The following WWOX variants were observed in gnomAD, a reference collection of about 807,000 sequenced individuals.
The protein encoded by WWOX is WW domain containing oxidoreductase, also known as WW domain-containing oxidoreductase.
Under a neutral mutation model 46.2 loss-of-function variants are expected in WWOX, and 69 were observed. The observed-to-expected ratio is 1.49, with a 90% CI of 1.23 to 1.82. WWOX has a LOEUF of 1.82. Among genes scored for constraint, WWOX ranks in the 40% most tolerant of loss-of-function variants. WWOX has a pLI of 0.00. For synonymous variants in WWOX, 359 were observed against 202.6 expected (o/e 1.77, Z -6.56); for missense variants, 919 against 542.6 (o/e 1.69, Z -6.89).
intron 5 of WWOX, among the ~76,000 whole-genome samples, chr16:78,251,940 C>G (rs2037996210): frequency 6.6e-6 from 1 of 152,214 alleles, no homozygotes; most frequent in Non-Finnish European, 1.5e-5. Flanking sequence ...GTCAATACAT[C>G]TTTGTTGGAG....
At chr16:78,142,501 T>C (rs559058003) in intron 4 of WWOX, among the ~76,000 whole-genome samples, 6 of 152,350 alleles carry the variant, frequency 3.9e-5, no homozygotes, top group Non-Finnish European at 7.3e-5. Flanking sequence ...CTCACAGTTA[T>C]ATTTGTGGTA....
At chr16:78,758,708 C>G (rs1173985539) in intron 8 of WWOX, among the ~76,000 whole-genome samples, 4 of 152,046 alleles carry the variant, frequency 2.6e-5, no homozygotes, top group Admixed American at 6.6e-5. Context: ...ATTGATTGAC[C>G]TCTCTGAGCC....
At chr16:78,182,149 C>T (rs539564374) in intron 5 of WWOX, among the ~76,000 whole-genome samples, 8 of 152,300 alleles carry the variant, frequency 5.3e-5, no homozygotes, top group Admixed American at 1.3e-4. Context: ...GTTCTTATTG[C>T]CTCAGTTTCC....
At chr16:79,174,553 CA>C (rs2050763405) in intron 8 of WWOX, among the ~76,000 whole-genome samples, 1 of 152,174 alleles carries the variant, frequency 6.6e-6, no homozygotes, top group Admixed American at 6.5e-5. Context: ...GGGCCTGAGG[CA>C]GGAAAATCAC....
At chr16:78,567,349 T>G (rs1165271823) in intron 8 of WWOX, among the ~76,000 whole-genome samples, 2 of 150,404 alleles carry the variant, frequency 1.3e-5, no homozygotes, top group Non-Finnish European at 3.0e-5. Flanking sequence ...ATCGAGACCA[T>G]CCTGGTTAAC....
In WWOX at chr16:78,638,418, C is replaced by T. The variant is rs1256045551; in HGVS notation, c.1056+205666C>T. Among the ~76,000 whole-genome samples the T allele has an allele frequency of 2.6e-5, 4 of 152,288 alleles. No individual in the cohort carries two copies. In the East Asian group the frequency reaches 5.8e-4, roughly 22 times the overall value. ...CTGCCTTTCCAACCGCTACCACCTT[C>T]CACCACCATTTTTTTTTTGTTTCCT... On this transcript the variant is annotated intron_variant, in intron 8 of 8. Coordinates refer to ENST00000566780, the MANE Select transcript of WWOX (RefSeq NM_016373.4).
chr16:78,244,374 G>A (rs1048499995), intron 5 of WWOX, among the ~76,000 whole-genome samples: 1 of 107,700 alleles, frequency 9.3e-6, no homozygotes, highest in African/African-American at 4.6e-5. Flanking sequence ...AAACCTCCTT[G>A]CAATCTGTAT....
At chr16:79,151,254 T>G (rs1267114860) in intron 8 of WWOX, among the ~76,000 whole-genome samples, 2 of 152,192 alleles carry the variant, frequency 1.3e-5, no homozygotes, top group African/African-American at 4.8e-5. Context: ...CTACGGTGGT[T>G]GACTTTTCAC....
intron 8 of WWOX, among the ~76,000 whole-genome samples, chr16:78,587,815 A>C (rs1272786457): frequency 1.3e-5 from 2 of 152,092 alleles, no homozygotes; most frequent in Non-Finnish European, 2.9e-5. Flanking sequence ...TTTCCTGGTA[A>C]TTGTGCAAAA....
At chr16:79,156,381 G>T (rs77882212) in intron 8 of WWOX, among the ~76,000 whole-genome samples, 15,820 of 152,136 alleles carry the variant, frequency 0.1, 1,663 homozygotes, top group African/African-American at 0.27. Flanking sequence ...AGCTATTCTC[G>T]AACTCCTGAC....
chr16:78,559,584 T>A (rs2044385506), intron 8 of WWOX, among the ~76,000 whole-genome samples: 2 of 152,254 alleles, frequency 1.3e-5, no homozygotes, highest in Non-Finnish European at 2.9e-5. Flanking sequence ...TCTAAGTGCG[T>A]ATGCTTTTAA....
intron 8 of WWOX, among the ~76,000 whole-genome samples, chr16:78,927,197 T>C (rs550244163): frequency 2.0e-5 from 3 of 152,352 alleles, no homozygotes; most frequent in Admixed American, 2.0e-4. Context: ...GAATGAGGTA[T>C]GTGGTACTCG....
At chr16:79,020,574 G>T (rs535364823) in intron 8 of WWOX, among the ~76,000 whole-genome samples, 1 of 152,280 alleles carries the variant, frequency 6.6e-6, no homozygotes, top group African/African-American at 2.4e-5. Context: ...TGCTATTATT[G>T]TCATCCTTTT....
At chr16:78,589,869 G>C (rs1051346253) in intron 8 of WWOX, among the ~76,000 whole-genome samples, 1 of 152,096 alleles carries the variant, frequency 6.6e-6, no homozygotes, top group African/African-American at 2.4e-5. Flanking sequence ...TGCAAGGGGG[G>C]AAAAATGGAA....
chr16:78,925,010 C>T (rs140286961), intron 8 of WWOX, among the ~76,000 whole-genome samples: 7 of 152,204 alleles, frequency 4.6e-5, no homozygotes, highest in East Asian at 3.9e-4. Context: ...GCCTGGGCAA[C>T]ATGGCAAAAC....
At chr16:78,704,126 A>C (rs2048283437) in intron 8 of WWOX, among the ~76,000 whole-genome samples, 1 of 150,920 alleles carries the variant, frequency 6.6e-6, no homozygotes, top group African/African-American at 2.4e-5. Context: ...GGAAAGGGGC[A>C]GGCTGTGATT....
intron 8 of WWOX, among the ~76,000 whole-genome samples, chr16:79,074,559 A>G (rs2048618548): frequency 6.6e-6 from 1 of 151,590 alleles, no homozygotes; most frequent in Non-Finnish European, 1.5e-5. Context: ...CTACACTCCT[A>G]CTTGGAAATG....
In WWOX at chr16:78,438,447, C is replaced by T. The variant is rs1030682814; in HGVS notation, c.1056+5695C>T. ...TCACTGAAATGAATGCTGCCACCAC[C>T]GCCAACCCCACCTTTTTTTTTTCCA... On this transcript the variant is annotated intron_variant, in intron 8 of 8. Transcript: ENST00000566780. Among the ~76,000 whole-genome samples, 6 of 144,612 alleles carry T rather than the reference C, an allele frequency of 4.1e-5. 1 individual carries two copies. In the East Asian group the frequency reaches 1.1e-3, roughly 26 times the overall value. 94.9% of individuals were successfully genotyped at this position (144,612 alleles called of 152,430 possible). A position where few individuals can be genotyped will look rare whatever the true frequency, so the allele number is the denominator to read the frequency against.
intron 5 of WWOX, among the ~76,000 whole-genome samples, chr16:78,334,717 C>G (rs2080839575): frequency 6.6e-6 from 1 of 151,332 alleles, no homozygotes; most frequent in African/African-American, 2.4e-5. Context: ...GCTAACTAAA[C>G]AAAATGCTAA....
Sources: allele counts gnomAD v4.1 joint callset (sites outside exome capture counted in the v4.1 genomes callset), GRCh38; gene constraint gnomAD v4.1.1; transcripts MANE v1.5; gene names NCBI Gene and HGNC (gene_info 2026-07-23, HGNC 2026-07-21).